DOCK6: variants seen among roughly 807,000 people sequenced by gnomAD.
DOCK6 encodes the protein dedicator of cytokinesis protein 6.
In DOCK6, 167 loss-of-function variants were observed where a neutral mutation model predicts 230.3. The observed-to-expected ratio is 0.73, with a 90% CI of 0.64 to 0.82. The LOEUF is 0.82. Ranked by LOEUF, DOCK6 falls within the 40% of genes least tolerant of loss-of-function variation. The pLI is 0.00. For missense variants in DOCK6, 2,598 were observed against 2,825.8 expected (o/e 0.92, Z 1.83); for synonymous variants, 1,148 against 1,185.0 (o/e 0.97, Z 0.64).
In DOCK6 at chr19:11,236,121, C is replaced by T; in HGVS notation, c.2392+225G>A. The T allele has an allele frequency of 1.7e-6, 1 of 580,526 alleles. No individual in the cohort carries two copies. Among genetic ancestry groups the T allele is most frequent in the Admixed American group, 3.2e-5 (1 of 31,534 alleles). The allele number at this position is 580,526 out of a possible 1,614,324, so 36.0% of individuals were successfully genotyped here. On this transcript the variant is annotated intron_variant, in intron 20 of 47. Transcript: ENST00000294618. This position sits in a 1 kb window ranked among gnomAD's most constrained non-coding sequence, Gnocchi z 5.2. ...TCTCAAACTCTCGACCTCAGGTGAT[C>T]TGCCCGCCTCGGCCTCCCAAAGTGC...
chr19:11,217,006 GC>G lies in DOCK6; in HGVS notation c.3801del (p.Leu1268SerfsTer9). ...VLWVLKNTEP[A>X]LLQRWATDLT... Reference sequence around the variant, plus strand: ...AGGTCAGTGGCCCAGCGCTGCAGGAGCGCCGGCTCGGTGTTTTTCAGCACCC... The same window carrying G: ...AGGTCAGTGGCCCAGCGCTGCAGGAGGCCGGCTCGGTGTTTTTCAGCACCC... On this transcript the variant is annotated frameshift_variant, in exon 30 of 48. Coordinates refer to ENST00000294618, the MANE Select transcript of DOCK6 (RefSeq NM_020812.4). LOFTEE classifies it high-confidence loss of function. 6.2e-7 allele frequency: 1 copy of G among 1,613,646 alleles called. No homozygotes were observed. The highest frequency in any genetic ancestry group is 1.1e-5 in the South Asian group (1 of 91,080).
rs746812913 is a variant in DOCK6, at chr19:11,200,148, C to CAA, written c.6101+158_6101+159dup. Among the ~76,000 whole-genome samples, 64 of 75,584 alleles carry CAA rather than the reference C, an allele frequency of 8.5e-4. 3 individuals carry two copies. The highest frequency in any genetic ancestry group is 7.7e-3 in the East Asian group (18 of 2,338). 49.6% of individuals were successfully genotyped at this position (75,584 alleles called of 152,430 possible). On this transcript the variant is annotated intron_variant, in intron 47 of 47. Coordinates refer to ENST00000294618, the MANE Select transcript of DOCK6 (RefSeq NM_020812.4). The surrounding 1 kb of genome is among the most constrained non-coding windows in gnomAD (Gnocchi z 4.3). ...CCTGGGCAACAGAGGGAGAGTCTCT[C>CAA]AAAAAAAAAAACAAAAAAAAAACCG...
At position 11,212,071 on chromosome 19, in the gene DOCK6, G is replaced by A. The variant is rs765590808; in HGVS notation, c.4572C>T (p.His1524=). 1.9e-6 allele frequency: 3 copies of A among 1,611,882 alleles called. No individual in the cohort carries two copies. In the East Asian group the frequency reaches 6.7e-5, roughly 36 times the overall value. Reference sequence around the variant, plus strand: ...GGATGGTTTTGAGTGAACGTCGCAGGTGCTCTTCACTGAAGTTCTGCGTCG... The same window carrying A: ...GGATGGTTTTGAGTGAACGTCGCAGATGCTCTTCACTGAAGTTCTGCGTCG... ...VGTTQNFSEE[H]LRRSLKTILT... is the part of the protein sequence containing the mutation. Residue 1524 remains histidine (H), a synonymous_variant, in exon 36 of 48, where the codon CAC becomes CAT. Coordinates refer to ENST00000294618, the MANE Select transcript of DOCK6 (RefSeq NM_020812.4).
At chr19:11,229,386 A>G in intron 22 of DOCK6, 1 of 1,079,876 alleles carries the variant, frequency 9.3e-7, no homozygotes, top group Non-Finnish European at 1.1e-6. Flanking sequence ...GTTGCAGTCG[A>G]TGGCCTATGA....
chr19:11,203,603 C>CG (rs909008738), intron 41 of DOCK6: 15 of 165,936 alleles, frequency 9.0e-5, no homozygotes, highest in Non-Finnish European at 1.5e-4. Flanking sequence ...AAGCGGGATT[C>CG]GGGGGGGCTG....
chr19:11,251,201 G>T (rs2080113091), intron 5 of DOCK6, 115 bp from the exon 6 acceptor site: 1 of 1,089,932 alleles, frequency 9.2e-7, no homozygotes, highest in Non-Finnish European at 1.3e-6. Context: ...GTCAGGGGGT[G>T]AGGGTCATCA....
intron 4 of DOCK6, 27 bp downstream of exon 4, chr19:11,252,455 C>T: frequency 6.2e-7 from 1 of 1,613,556 alleles, no homozygotes; most frequent in East Asian, 2.2e-5. Flanking sequence ...TTCCGAACCC[C>T]CTGAGCTGCC....
intron 18 of DOCK6, 87 bp downstream of exon 18, chr19:11,237,369 T>G: frequency 6.7e-7 from 1 of 1,496,980 alleles, no homozygotes; most frequent in South Asian, 1.1e-5. Flanking sequence ...ATAACAAGCC[T>G]CCCAGGATTG....
chr19:11,213,070 A>G, intron 35 of DOCK6, 106 bp downstream of exon 35: 2 of 1,428,704 alleles, frequency 1.4e-6, no homozygotes, highest in Admixed American at 2.1e-5. Flanking sequence ...CCTGCTCATT[A>G]TGCTCAATGA....
chr19:11,237,251 A>G (rs1476481472), intron 18 of DOCK6: 2 of 626,372 alleles, frequency 3.2e-6, no homozygotes, highest in African/African-American at 3.7e-5. Flanking sequence ...TAAAGTGGGA[A>G]TGGAGCAGAG....
In DOCK6 at chr19:11,214,112, CAG is replaced by C. The variant is rs1291075581; in HGVS notation, c.4338+161_4338+162del. ...CTAATTTTTAATTTTTTTGTAGAGA[CAG>C]GGGCCTCACTATGTTGCCCAGGTTG... On this transcript the variant is annotated intron_variant, in intron 34 of 47. Transcript: ENST00000294618. 1.1e-4 allele frequency among the ~76,000 whole-genome samples: 17 copies of C among 151,882 alleles called. No individual in the cohort carries two copies. In the South Asian group the frequency reaches 3.1e-3, roughly 28 times the overall value.
In DOCK6 at chr19:11,208,821, TGAG is replaced by T. The variant is rs1254134488; in HGVS notation, c.4950_4952del (p.Ser1652del). 6.3e-7 allele frequency: 1 copy of T among 1,591,884 alleles called. No individual in the cohort carries two copies. Among genetic ancestry groups the T allele is most frequent in the East Asian group, 2.3e-5 (1 of 43,818 alleles). On this transcript the variant is annotated inframe_deletion, in exon 39 of 48. Coordinates refer to ENST00000294618, the MANE Select transcript of DOCK6 (RefSeq NM_020812.4). ...TGGCGGACTCCTCTAGCACGTTGGATGAGATGTTCTGGGGTGGGAGAGGTGGCG... is the reference window on the plus strand; with the variant it reads ...TGGCGGACTCCTCTAGCACGTTGGATATGTTCTGGGGTGGGAGAGGTGGCG...
At chr19:11,208,294 TTTTTG>T in intron 39 of DOCK6, 1 of 152,516 alleles carries the variant, frequency 6.6e-6, no homozygotes, top group Admixed American at 6.6e-5. Context: ...TTTTTTTTTT[TTTTTG>T]AGACAGAGTC....
At chr19:11,261,175 C>G (rs1351302158) in intron 1 of DOCK6, among the ~76,000 whole-genome samples, 1 of 152,036 alleles carries the variant, frequency 6.6e-6, no homozygotes, top group Non-Finnish European at 1.5e-5. Context: ...CTTACTGTCC[C>G]CCTCCAGCTC....
At chr19:11,227,232 C>T in intron 24 of DOCK6, 105 bp downstream of exon 24, 1 of 1,491,028 alleles carries the variant, frequency 6.7e-7, no homozygotes, top group Non-Finnish European at 9.1e-7. Flanking sequence ...AAGTGGATTC[C>T]TGGTCTTACG....
At chr19:11,207,209 T>G (rs2079277108) in intron 39 of DOCK6, among the ~76,000 whole-genome samples, 1 of 152,136 alleles carries the variant, frequency 6.6e-6, no homozygotes, top group Non-Finnish European at 1.5e-5. Context: ...TTATTTATTT[T>G]TTGAGACAAG....
intron 39 of DOCK6, 61 bp downstream of exon 39, chr19:11,208,625 G>T: frequency 1.3e-6 from 2 of 1,571,902 alleles, no homozygotes; most frequent in Non-Finnish European, 1.7e-6. Flanking sequence ...CTAGGAAGCA[G>T]ATCTGATGGC....
intron 1 of DOCK6, among the ~76,000 whole-genome samples, chr19:11,256,828 C>T (rs1378977906): frequency 6.6e-6 from 1 of 151,880 alleles, no homozygotes; most frequent in Non-Finnish European, 1.5e-5. Context: ...CAGGCACCCA[C>T]CACCATGCCC....
chr19:11,237,633 C>T lies in DOCK6; in HGVS notation c.1971+8G>A, dbSNP rs372568726. On this transcript the variant is annotated splice_region_variant and intron_variant, in intron 17 of 47. Coordinates refer to ENST00000294618, the MANE Select transcript of DOCK6 (RefSeq NM_020812.4). Reference sequence around the variant, plus strand: ...GGCTCAGGGGGAGGGAGGGAGGGGACGGCTCACAGTAAAGCCCACGGGTGT... The same window carrying T: ...GGCTCAGGGGGAGGGAGGGAGGGGATGGCTCACAGTAAAGCCCACGGGTGT... 1.4e-5 allele frequency: 22 copies of T among 1,591,010 alleles called. No individual in the cohort carries two copies. The highest frequency in any genetic ancestry group is 3.4e-4 in the Middle Eastern group (2 of 5,830).
Sources: gnomAD v4.1 joint callset for allele counts (sites outside exome capture counted in the v4.1 genomes callset) on GRCh38, gnomAD v4.1.1 for gene constraint, Gnocchi (gnomAD v3.1) non-coding constraint, MANE v1.5 for transcripts, NCBI Gene and HGNC (gene_info 2026-07-23, HGNC 2026-07-21) for gene names.